Variants in CREB5 observed in about 807,000 individuals in gnomAD.
CREB5 encodes the protein cAMP responsive element binding protein 5.
In CREB5, 19 loss-of-function variants were observed where a neutral mutation model predicts 57.1. The ratio of observed to expected loss-of-function variants is 0.33; its 90% CI spans 0.23 to 0.49. The LOEUF is 0.49. CREB5 is among the 20% of genes least tolerant of loss of function. The pLI, the probability that CREB5 is intolerant of heterozygous loss-of-function variation, is 0.99. For missense variants in CREB5, 579 were observed against 671.6 expected (o/e 0.86, Z 1.52); for synonymous variants, 238 against 238.3 (o/e 1.00, Z 0.01).
chr7:28,350,732 A>G (rs562015755), intron 1 of CREB5, among the ~76,000 whole-genome samples: 65 of 152,074 alleles, frequency 4.3e-4, no homozygotes, highest in African/African-American at 1.6e-3. Flanking sequence ...CTGAGCTTCA[A>G]GGGTAGGCAA....
intron 1 of CREB5, among the ~76,000 whole-genome samples, chr7:28,475,512 G>A (rs980977109): frequency 6.6e-6 from 1 of 151,788 alleles, no homozygotes; most frequent in African/African-American, 2.4e-5. Flanking sequence ...ATAAGAATAA[G>A]TGTTAAGATT....
chr7:28,793,335 C>G (rs1030465621), intron 7 of CREB5, among the ~76,000 whole-genome samples: 1 of 152,194 alleles, frequency 6.6e-6, no homozygotes, highest in African/African-American at 2.4e-5. Context: ...ATCTAAACTT[C>G]CATACAGTCA....
intron 5 of CREB5, among the ~76,000 whole-genome samples, chr7:28,662,080 G>A (rs1263785531): frequency 6.6e-6 from 1 of 152,132 alleles, no homozygotes; most frequent in East Asian, 1.9e-4. Context: ...GCAGAAAAAA[G>A]GGCTGCTCTT....
chr7:28,344,311 G>A (rs139911794), intron 1 of CREB5, among the ~76,000 whole-genome samples: 180 of 152,120 alleles, frequency 1.2e-3, no homozygotes, highest in Admixed American at 2.3e-3. Flanking sequence ...AATCCATTTT[G>A]AGTTGATTTT....
chr7:28,635,526 GAGA>G (rs1739635788), intron 5 of CREB5, among the ~76,000 whole-genome samples: 1 of 152,160 alleles, frequency 6.6e-6, no homozygotes, highest in African/African-American at 2.4e-5. Flanking sequence ...CGATCATCAT[GAGA>G]AGGTTTACTA....
At chr7:28,671,310 A>G (rs1010275637) in intron 5 of CREB5, among the ~76,000 whole-genome samples, 12 of 151,574 alleles carry the variant, frequency 7.9e-5, no homozygotes, top group Admixed American at 5.9e-4. Flanking sequence ...TTTTAGTGAC[A>G]TTTATTGTCA....
chr7:28,660,390 T>TG (rs535774721), intron 5 of CREB5, among the ~76,000 whole-genome samples: 6 of 150,838 alleles, frequency 4.0e-5, no homozygotes, highest in African/African-American at 7.3e-5. Flanking sequence ...AGTTTTTTTT[T>TG]TTTTTTTTTT....
At chr7:28,645,933 G>A (rs986422687) in intron 5 of CREB5, among the ~76,000 whole-genome samples, 1 of 152,168 alleles carries the variant, frequency 6.6e-6, no homozygotes, top group African/African-American at 2.4e-5. Context: ...ACAGGGGAAA[G>A]GTGAATTTGC....
At chr7:28,488,879 A>T (rs139595201) in intron 2 of CREB5, among the ~76,000 whole-genome samples, 1 of 152,336 alleles carries the variant, frequency 6.6e-6, no homozygotes, top group African/African-American at 2.4e-5. Context: ...TCTGCACACA[A>T]TACGAGCTCA....
At chr7:28,439,444 A>G (rs905140368) in intron 1 of CREB5, among the ~76,000 whole-genome samples, 4 of 152,186 alleles carry the variant, frequency 2.6e-5, no homozygotes, top group Non-Finnish European at 5.9e-5. Flanking sequence ...CTCTCTGCTC[A>G]ATCTTTGTTG....
chr7:28,333,677 T>C (rs1347494453), intron 1 of CREB5, among the ~76,000 whole-genome samples: 1 of 152,226 alleles, frequency 6.6e-6, no homozygotes, highest in African/African-American at 2.4e-5. Context: ...TTATTTATCT[T>C]AACATAATTC....
In CREB5 at chr7:28,586,513, C is replaced by T. The variant is rs546194497; in HGVS notation, c.464+15976C>T. ...TCTCCAGCTGAAGTCTGACCTCGGG[C>T]TCTTTGCATGGCTTATTCTATTCTT... On this transcript the variant is annotated intron_variant, in intron 5 of 10. Coordinates refer to ENST00000357727, the MANE Select transcript of CREB5 (RefSeq NM_182898.4). Among the ~76,000 whole-genome samples the T allele has an allele frequency of 2.0e-5, 3 of 152,300 alleles. No homozygotes were observed. In the East Asian group the frequency reaches 5.8e-4, roughly 29 times the overall value.
chr7:28,654,677 C>A (rs1799267804), intron 5 of CREB5, among the ~76,000 whole-genome samples: 1 of 152,066 alleles, frequency 6.6e-6, no homozygotes, highest in South Asian at 2.1e-4. Context: ...GGTATATGGG[C>A]AATATTCATT....
chr7:28,803,038 TACTG>T (rs147022208), intron 7 of CREB5, among the ~76,000 whole-genome samples: 3 of 152,308 alleles, frequency 2.0e-5, no homozygotes, highest in East Asian at 3.9e-4. Flanking sequence ...GAGAAGAAAA[TACTG>T]ACTATCTGAC....
intron 5 of CREB5, among the ~76,000 whole-genome samples, chr7:28,579,548 A>G (rs1796043125): frequency 6.6e-6 from 1 of 152,186 alleles, no homozygotes; most frequent in African/African-American, 2.4e-5. Context: ...ACATGATGGA[A>G]TGTGCTTGGT....
chr7:28,629,379 G>A (rs1255569505), intron 5 of CREB5, among the ~76,000 whole-genome samples: 1 of 152,212 alleles, frequency 6.6e-6, no homozygotes, highest in East Asian at 1.9e-4. Flanking sequence ...CCAGCGTGCG[G>A]GTCAGCCAAG....
At chr7:28,708,111 T>C (rs943899694) in intron 5 of CREB5, among the ~76,000 whole-genome samples, 1 of 152,188 alleles carries the variant, frequency 6.6e-6, no homozygotes, top group East Asian at 1.9e-4. Flanking sequence ...AGATAGAGCC[T>C]GAAGCTCTCT....
At chr7:28,647,914 T>G (rs1290470953) in intron 5 of CREB5, among the ~76,000 whole-genome samples, 1 of 151,960 alleles carries the variant, frequency 6.6e-6, no homozygotes, top group African/African-American at 2.4e-5. Context: ...GACCCCCAAC[T>G]CTACAAAAAA....
chr7:28,560,866 C>CTGCGCGCG (rs1795119353), intron 4 of CREB5, among the ~76,000 whole-genome samples: 1 of 50,264 alleles, frequency 2.0e-5, no homozygotes, highest in Non-Finnish European at 4.3e-5. Context: ...GTGCGTGTGC[C>CTGCGCGCG]TGCGTGCGCG....
Sources: allele counts gnomAD v4.1 joint callset (sites outside exome capture counted in the v4.1 genomes callset), GRCh38; gene constraint gnomAD v4.1.1; transcripts MANE v1.5; gene names NCBI Gene and HGNC (gene_info 2026-07-23, HGNC 2026-07-21).